OCIAD1: variants seen among roughly 807,000 people sequenced by gnomAD.
OCIAD1 encodes the protein OCIA domain-containing protein 1.
OCIAD1 carries 29 observed loss-of-function variants against 38.9 expected under a neutral mutation model. The observed-to-expected ratio is 0.74, with a 90% CI of 0.55 to 1.02. OCIAD1 has a LOEUF of 1.02. Ranked by LOEUF, OCIAD1 falls within the 50% of genes least tolerant of loss-of-function variation. The pLI, the probability that OCIAD1 is intolerant of heterozygous loss-of-function variation, is 0.00. For missense variants in OCIAD1, 288 were observed against 289.6 expected (o/e 0.99, Z 0.04); for synonymous variants, 110 against 92.0 (o/e 1.20, Z -1.12).
At chr4:48,850,146 T>G in intron 6 of OCIAD1, 64 bp downstream of exon 6, 1 of 1,535,236 alleles carries the variant, frequency 6.5e-7, no homozygotes, top group Non-Finnish European at 8.9e-7. Context: ...GATGTTGCTA[T>G]AACTCATGGC....
chr4:48,832,006 A>G (rs1315496934), intron 1 of OCIAD1, among the ~76,000 whole-genome samples: 2 of 152,196 alleles, frequency 1.3e-5, no homozygotes, highest in African/African-American at 2.4e-5. Context: ...TAAAAAATGT[A>G]TATTCTTGGA....
chr4:48,841,662 G>A (rs1050550815), intron 3 of OCIAD1, among the ~76,000 whole-genome samples: 1 of 152,128 alleles, frequency 6.6e-6, no homozygotes, highest in South Asian at 2.1e-4. Context: ...ATATCAATGG[G>A]GGGAACTGTT....
At chr4:48,827,326 G>A (rs1213700262), upstream of OCIAD1, among the ~76,000 whole-genome samples, 2 of 152,076 alleles carry the variant, frequency 1.3e-5, no homozygotes, top group Non-Finnish European at 2.9e-5. Flanking sequence ...TCTAATAAGT[G>A]GAAATTTCTT....
At chr4:48,818,192 G>A (rs1048074487) in intron 1 of OCIAD1, among the ~76,000 whole-genome samples, 2 of 152,194 alleles carry the variant, frequency 1.3e-5, no homozygotes, top group African/African-American at 4.8e-5. Context: ...TATCAGGCCA[G>A]TGCCCCTCTG....
At chr4:48,852,164 A>T (rs978521201) in intron 7 of OCIAD1, 189 bp downstream of exon 7, 3 of 491,676 alleles carry the variant, frequency 6.1e-6, no homozygotes, top group Non-Finnish European at 3.6e-6. Context: ...GGTGTCAAGG[A>T]CTCTGCTAGA....
intron 3 of OCIAD1, among the ~76,000 whole-genome samples, chr4:48,840,848 A>G (rs1400165887): frequency 1.3e-5 from 2 of 151,450 alleles, no homozygotes; most frequent in African/African-American, 2.4e-5. Context: ...AAAAAAAAAA[A>G]AAAGAAAAAA....
intron 3 of OCIAD1, among the ~76,000 whole-genome samples, chr4:48,841,142 A>C (rs1450841971): frequency 6.6e-6 from 1 of 152,204 alleles, no homozygotes; most frequent in Non-Finnish European, 1.5e-5. Context: ...AGCTACGTTC[A>C]TGTGTTTTTG....
intron 1 of OCIAD1, among the ~76,000 whole-genome samples, chr4:48,819,673 A>C (rs1777172100): frequency 6.8e-6 from 1 of 146,406 alleles, no homozygotes; most frequent in Non-Finnish European, 1.5e-5. Context: ...GCAAAGACAC[A>C]CATAGGCTCA....
intron 7 of OCIAD1, chr4:48,856,212 T>TA (rs144928159): frequency 6.6e-6 from 1 of 152,306 alleles, no homozygotes; most frequent in African/African-American, 2.4e-5. Flanking sequence ...TGATAATATG[T>TA]AATATTCACA....
upstream of OCIAD1, among the ~76,000 whole-genome samples, chr4:48,826,228 G>A (rs1777249285): frequency 6.6e-6 from 1 of 151,940 alleles, no homozygotes; most frequent in South Asian, 2.1e-4. Flanking sequence ...ATGCTTACAT[G>A]TGCCATGTTG....
At chr4:48,842,570 T>G in intron 3 of OCIAD1, 66 bp from the exon 4 acceptor site, 1 of 978,046 alleles carries the variant, frequency 1.0e-6, no homozygotes, top group Non-Finnish European at 1.6e-6. Flanking sequence ...TATTCATTTA[T>G]CTAATGAACT....
chr4:48,809,342 C>T (rs1365974932), intron 1 of OCIAD1, among the ~76,000 whole-genome samples: 4 of 152,018 alleles, frequency 2.6e-5, no homozygotes, highest in East Asian at 1.9e-4. Flanking sequence ...GCCAACTTGG[C>T]GAAACCCCAT....
chr4:48,817,063 A>G (rs146002500), intron 1 of OCIAD1, among the ~76,000 whole-genome samples: 2 of 152,282 alleles, frequency 1.3e-5, no homozygotes, highest in African/African-American at 4.8e-5. Context: ...AAGGTGGTTG[A>G]TTTCTGCATT....
rs768892906 is a variant in OCIAD1, at chr4:48,833,527, C to T, written c.139+46C>T. ...AATATAATTTGATCCAAAATTTGTA[C>T]CTGAAATTTTGACTTGAATTTGAAC... On this transcript the variant is annotated intron_variant, in intron 3 of 8. Coordinates refer to ENST00000264312, the MANE Select transcript of OCIAD1 (RefSeq NM_017830.4). 3 of 1,246,620 alleles carry T rather than the reference C, an allele frequency of 2.4e-6. No homozygotes were observed. The Admixed American group carries it at 6.0e-5, about 25-fold the overall frequency. 77.2% of individuals were successfully genotyped at this position (1,246,620 alleles called of 1,614,324 possible).
chr4:48,824,549 T>C (rs749480476), intron 1 of OCIAD1, among the ~76,000 whole-genome samples: 1 of 151,394 alleles, frequency 6.6e-6, no homozygotes, highest in Non-Finnish European at 1.5e-5. Flanking sequence ...CCCACCTTAT[T>C]ATTATTATTA....
intron 1 of OCIAD1, among the ~76,000 whole-genome samples, chr4:48,816,983 G>C (rs912342943): frequency 1.3e-5 from 2 of 152,148 alleles, no homozygotes; most frequent in Non-Finnish European, 2.9e-5. Context: ...CAAAAAAAGG[G>C]GTGGGAGAGG....
At chr4:48,831,623 C>A in intron 1 of OCIAD1, 1 of 1,103,072 alleles carries the variant, frequency 9.1e-7, no homozygotes, top group Non-Finnish European at 1.2e-6. Flanking sequence ...CCGTGTCAGC[C>A]CTGACAGTCT....
At chr4:48,813,138 C>T (rs1411091058) in intron 1 of OCIAD1, among the ~76,000 whole-genome samples, 5 of 152,200 alleles carry the variant, frequency 3.3e-5, no homozygotes, top group Non-Finnish European at 7.3e-5. Context: ...AGTTAAGAGC[C>T]TGTGGAATTC....
In OCIAD1 at chr4:48,857,351, T is replaced by G; in HGVS notation, c.686T>G (p.Val229Gly). 1 of 1,548,516 alleles carries G rather than the reference T, an allele frequency of 6.5e-7. No homozygotes were observed. The highest frequency in any genetic ancestry group is 8.7e-7 in the Non-Finnish European group (1 of 1,151,910). The part of the protein sequence containing the change: ...DPSVRPMHER[V>G]PKKEVKVNKY... ...TCAGTCAGGCCTATGCATGAAAGAG[T>G]GCCAAAAAAAGAAGGTATGATAGTT... The change falls in exon 8 of 9, where the codon GTG (valine) becomes GGG (glycine). Residue 229 changes from valine to glycine, a missense_variant. Transcript: ENST00000264312.
Sources: allele counts gnomAD v4.1 joint callset (sites outside exome capture counted in the v4.1 genomes callset), GRCh38; gene constraint gnomAD v4.1.1; transcripts MANE v1.5; gene names NCBI Gene and HGNC (gene_info 2026-07-23, HGNC 2026-07-21).